Variants in MYH9 observed in about 807,000 individuals in gnomAD.
The protein encoded by MYH9 is myosin heavy chain 9, also known as myosin-9.
In MYH9, 29 loss-of-function variants were observed where a neutral mutation model predicts 241.9. The ratio of observed to expected loss-of-function variants is 0.12; its 90% CI spans 0.09 to 0.16. The LOEUF (loss-of-function observed/expected upper bound fraction) is 0.16. Among genes scored for constraint, MYH9 ranks in the 10% least tolerant of loss-of-function variants. The pLI is 1.00. For synonymous variants in MYH9, 1,047 were observed against 1,062.6 expected, an observed-to-expected ratio of 0.99 and a Z score of 0.29; for missense variants, 1,803 against 2,595.5, an observed-to-expected ratio of 0.69 and a Z score of 6.63.
Position 36,288,557 on chromosome 22 carries a change from TAAGA to T in MYH9, c.4771-148_4771-145del, listed in dbSNP as rs1035372576. 8.1e-6 allele frequency: 11 copies of T among 1,362,602 alleles called. No individual in the cohort carries two copies. In the African/African-American group the frequency reaches 1.4e-4, roughly 18 times the overall value. 84.4% of individuals were successfully genotyped at this position (1,362,602 alleles called of 1,614,324 possible). On this transcript the variant is annotated intron_variant, in intron 33 of 40. Coordinates refer to ENST00000216181, the MANE Select transcript of MYH9 (RefSeq NM_002473.6). This position sits in a 1 kb window ranked among gnomAD's most constrained non-coding sequence, Gnocchi z 4.8. ...TGGGGATTACTGACCATAAGAACTCTAAGAAAGTGAGTCACTGAACCCCGAGACA... is the reference window on the plus strand; with the variant it reads ...TGGGGATTACTGACCATAAGAACTCTAAGTGAGTCACTGAACCCCGAGACA...
Position 36,345,844 on chromosome 22 carries a change from G to A in MYH9, c.333+3060C>T, listed in dbSNP as rs540536391. On this transcript the variant is annotated intron_variant, in intron 2 of 40. Coordinates refer to ENST00000216181, the MANE Select transcript of MYH9 (RefSeq NM_002473.6). ...CTCTGGGCCTCAATTCTTCCCACCT[G>A]CCATGTTAGAAGGCTGGGCTGGGGC... Among the ~76,000 whole-genome samples, 69 of 152,258 alleles carry A rather than the reference G, an allele frequency of 4.5e-4. 3 individuals carry two copies. The South Asian group carries it at 0.014, about 31-fold the overall frequency.
Position 36,293,797 on chromosome 22 carries a change from C to A in MYH9, c.3904G>T (p.Asp1302Tyr), listed in dbSNP as rs951591806. ...AGCTGGGACTCCAGCGCGGAGAAGT[C>A]CTTGGTGAGCTTGCTGGACTTGCTG... Reference protein sequence around the residue: ...SDSKSSKLTKDFSALESQLQD... With the variant: ...SDSKSSKLTKYFSALESQLQD... The change falls in exon 29 of 41, where the codon GAC becomes TAC. Residue 1302 changes from aspartate to tyrosine, a missense_variant. By Grantham distance (160) the Asp-to-Tyr change is radical. This residue lies in a region of MYH9 where 876 missense variants were observed against 1,077.8 expected (regional missense o/e 0.81). Transcript: ENST00000216181. This position sits in a 1 kb window ranked among gnomAD's most constrained non-coding sequence, Gnocchi z 5.1. The A allele has an allele frequency of 1.2e-6, 2 of 1,613,836 alleles. No homozygotes were observed. Among genetic ancestry groups the A allele is most frequent in the Non-Finnish European group, 1.7e-6 (2 of 1,180,026 alleles).
At chr22:36,331,330 A>G (rs551462404) in intron 3 of MYH9, among the ~76,000 whole-genome samples, 1 of 152,334 alleles carries the variant, frequency 6.6e-6, no homozygotes, top group South Asian at 2.1e-4. Flanking sequence ...CACCGCCACG[A>G]GAAAGTCTTT....
At chr22:36,340,161 G>A (rs1425941122) in intron 3 of MYH9, among the ~76,000 whole-genome samples, 1 of 151,060 alleles carries the variant, frequency 6.6e-6, no homozygotes, top group Non-Finnish European at 1.5e-5. Context: ...GAGTCACAGT[G>A]TTATTAGGCT....
chr22:36,337,378 G>A lies in MYH9; in HGVS notation c.490+3992C>T, dbSNP rs8138011. Among the ~76,000 whole-genome samples, 1,102 of 152,288 alleles carry A rather than the reference G, an allele frequency of 7.2e-3. 12 individuals carry two copies. The highest frequency in any genetic ancestry group is 0.024 in the African/African-American group (979 of 41,550). ...TGGCTTAGTCTGACAATAGGTGAGTGACATATAATTTATCCTCCAAACTGG... is the reference window on the plus strand; with the variant it reads ...TGGCTTAGTCTGACAATAGGTGAGTAACATATAATTTATCCTCCAAACTGG... On this transcript the variant is annotated intron_variant, in intron 3 of 40. Transcript: ENST00000216181.
At chr22:36,385,652 C>G (rs550864604) in intron 1 of MYH9, among the ~76,000 whole-genome samples, 1 of 152,244 alleles carries the variant, frequency 6.6e-6, no homozygotes, top group African/African-American at 2.4e-5. Flanking sequence ...GAATGCTGCC[C>G]TTCTCTCCGG....
At chr22:36,343,548 T>TA (rs5845270) in intron 2 of MYH9, among the ~76,000 whole-genome samples, 76,950 of 124,868 alleles carry the variant, frequency 0.62, 24,155 homozygotes, top group Middle Eastern at 0.67. Context: ...ACCCTGCTCT[T>TA]AAAAAAAAAA....
chr22:36,306,410 G>A lies in MYH9; in HGVS notation c.2037+4C>T, dbSNP rs370209073. ...GCCCGGGCCACCCCACCAGGCAGCC[G>A]CACCTTCTTCTCGTGGTTGGGGATG... On this transcript the variant is annotated splice_donor_region_variant and intron_variant, in intron 16 of 40. Transcript: ENST00000216181. This position sits in a 1 kb window ranked among gnomAD's most constrained non-coding sequence, Gnocchi z 4.1. 65 of 1,613,898 alleles carry A rather than the reference G, an allele frequency of 4.0e-5. No individual in the cohort carries two copies. Among genetic ancestry groups the A allele is most frequent in the Non-Finnish European group, 4.9e-5 (58 of 1,180,016 alleles).
intron 31 of MYH9, among the ~76,000 whole-genome samples, chr22:36,290,677 G>A (rs1453671996): frequency 6.7e-6 from 1 of 149,948 alleles, no homozygotes; most frequent in Non-Finnish European, 1.5e-5. Flanking sequence ...TCTCTGCCCG[G>A]CCGCCATCCC....
chr22:36,288,984 T>A lies in MYH9; in HGVS notation c.4558-45A>T. 1 of 1,611,118 alleles carries A rather than the reference T, an allele frequency of 6.2e-7. No individual in the cohort carries two copies. The highest frequency in any genetic ancestry group is 1.3e-5 in the African/African-American group (1 of 74,970). ...AGTCAGGAGCAAAGGGACTGGCAGG[T>A]ACCTGGGTCTGCGCGACCCGGAGTC... On this transcript the variant is annotated intron_variant, in intron 32 of 40. Transcript: ENST00000216181. This position sits in a 1 kb window ranked among gnomAD's most constrained non-coding sequence, Gnocchi z 4.8.
chr22:36,307,888 C>CAAAA (rs1402314098), intron 15 of MYH9, among the ~76,000 whole-genome samples: 1 of 105,028 alleles, frequency 9.5e-6, no homozygotes, highest in African/African-American at 3.6e-5. Context: ...AACTCTGTCT[C>CAAAA]AAAAAAAAAA....
At position 36,292,240 on chromosome 22, in the gene MYH9, C is replaced by G. The variant is rs767633182; in HGVS notation, c.4096-6G>C. On this transcript the variant is annotated splice_region_variant and splice_polypyrimidine_tract_variant and intron_variant, in intron 30 of 40. Coordinates refer to ENST00000216181, the MANE Select transcript of MYH9 (RefSeq NM_002473.6). ...TTCTTTTTCATGTCGGCCACCTGGG[C>G]AGGAGCAAGGAGTAAGCAGATGCCC... 8 of 1,613,738 alleles carry G rather than the reference C, an allele frequency of 5.0e-6. No individual in the cohort carries two copies. The highest frequency in any genetic ancestry group is 6.8e-6 in the Non-Finnish European group (8 of 1,180,022).
chr22:36,371,525 A>C (rs1236542143), intron 1 of MYH9, among the ~76,000 whole-genome samples: 3 of 152,076 alleles, frequency 2.0e-5, no homozygotes, highest in Non-Finnish European at 2.9e-5. Context: ...CAGCCTGAGC[A>C]ATTTTTTTTT....
chr22:36,363,640 C>T (rs1240075698), intron 1 of MYH9, among the ~76,000 whole-genome samples: 4 of 152,340 alleles, frequency 2.6e-5, no homozygotes, highest in African/African-American at 9.6e-5. Context: ...ATCACACCTG[C>T]GCCTTACCTA....
At chr22:36,304,247 AC>A in intron 18 of MYH9, 92 bp from the exon 19 acceptor site, 1 of 1,364,998 alleles carries the variant, frequency 7.3e-7, no homozygotes, top group Non-Finnish European at 1.0e-6. Context: ...TGTGCCCTTC[AC>A]CCTTCTTCTC....
At chr22:36,313,472 A>G (rs4821483) in intron 13 of MYH9, among the ~76,000 whole-genome samples, 87 of 123,024 alleles carry the variant, frequency 7.1e-4, no homozygotes, top group East Asian at 1.9e-3. Context: ...AAAAAAAAAA[A>G]AAGAAGAAAA....
At chr22:36,361,770 G>C (rs1855207686) in intron 1 of MYH9, among the ~76,000 whole-genome samples, 1 of 152,104 alleles carries the variant, frequency 6.6e-6, no homozygotes, top group African/African-American at 2.4e-5. Flanking sequence ...CATCAGATTT[G>C]TATTTTAAAG....
At chr22:36,302,480 T>G in intron 20 of MYH9, 88 bp downstream of exon 20, 1 of 1,194,826 alleles carries the variant, frequency 8.4e-7, no homozygotes. Context: ...AGACCACACC[T>G]CTACAAAAAA....
Position 36,322,553 on chromosome 22 carries a change from G to A in MYH9, c.613-32C>T, listed in dbSNP as rs200028579. 1.4e-4 allele frequency: 223 copies of A among 1,609,190 alleles called. No individual in the cohort carries two copies. The highest frequency in any genetic ancestry group is 9.3e-4 in the Admixed American group (56 of 59,990). Reference sequence around the variant, plus strand: ...GGAACCCAGGGACGCAGTGAAGGCCGGGCAGCGACCTGGGCTGCCGAGCCT... The same window carrying A: ...GGAACCCAGGGACGCAGTGAAGGCCAGGCAGCGACCTGGGCTGCCGAGCCT... On this transcript the variant is annotated intron_variant, in intron 5 of 40. Coordinates refer to ENST00000216181, the MANE Select transcript of MYH9 (RefSeq NM_002473.6).
Sources: allele counts gnomAD v4.1 joint callset (sites outside exome capture counted in the v4.1 genomes callset), GRCh38; gene constraint gnomAD v4.1.1; regional missense constraint gnomAD v4.1.1; non-coding constraint Gnocchi (gnomAD v3.1); transcripts MANE v1.5; gene names NCBI Gene and HGNC (gene_info 2026-07-23, HGNC 2026-07-21).